The following ERBB4 variants were observed in gnomAD, a reference collection of about 807,000 sequenced individuals.
The protein encoded by ERBB4 is erb-b2 receptor tyrosine kinase 4.
Under a neutral mutation model 158.0 loss-of-function variants are expected in ERBB4, and 42 were observed. The observed-to-expected ratio is 0.27, with a 90% CI of 0.21 to 0.34. The LOEUF (loss-of-function observed/expected upper bound fraction) is 0.34, where lower values mean the gene tolerates loss of function less well. ERBB4 is among the 10% of genes least tolerant of loss of function. The pLI, the probability that ERBB4 is intolerant of heterozygous loss-of-function variation, is 1.00. For missense variants in ERBB4, 1,333 were observed against 1,624.1 expected (o/e 0.82, Z 3.08); for synonymous variants, 583 against 558.7 (o/e 1.04, Z -0.61).
chr2:211,674,947 G>A (rs1299663717), intron 13 of ERBB4, among the ~76,000 whole-genome samples: 1 of 152,106 alleles, frequency 6.6e-6, no homozygotes, highest in Non-Finnish European at 1.5e-5. Flanking sequence ...GGAATAAAAT[G>A]TATGTCATAA....
chr2:212,373,951 C>CCATATATATATCCATATATATCCAT (rs762810727), intron 1 of ERBB4, among the ~76,000 whole-genome samples: 1 of 35,180 alleles, frequency 2.8e-5, no homozygotes, highest in African/African-American at 2.1e-4. Flanking sequence ...ATATATATAT[C>CCATATATATATCCATATATATCCAT]ATATATATAT....
chr2:212,429,992 T>C (rs1232380742), intron 1 of ERBB4, among the ~76,000 whole-genome samples: 1 of 152,174 alleles, frequency 6.6e-6, no homozygotes, highest in Non-Finnish European at 1.5e-5. Context: ...ATATGCAGAA[T>C]TGCACCATTA....
At chr2:212,053,713 T>C (rs2077469964) in intron 2 of ERBB4, among the ~76,000 whole-genome samples, 1 of 152,190 alleles carries the variant, frequency 6.6e-6, no homozygotes, top group African/African-American at 2.4e-5. Flanking sequence ...TCTTTGTCTC[T>C]GTTAGCTCCG....
At chr2:211,904,845 G>C (rs905890741) in intron 3 of ERBB4, among the ~76,000 whole-genome samples, 3 of 151,934 alleles carry the variant, frequency 2.0e-5, no homozygotes, top group Admixed American at 1.3e-4. Flanking sequence ...TACTATTTTA[G>C]GTTAGACAGG....
intron 1 of ERBB4, among the ~76,000 whole-genome samples, chr2:212,485,592 G>A (rs1689929255): frequency 3.9e-5 from 6 of 152,144 alleles, no homozygotes. Context: ...TAATAACATG[G>A]TGCTGTTAAA....
intron 2 of ERBB4, among the ~76,000 whole-genome samples, chr2:212,034,031 G>A (rs1354535118): frequency 2.0e-5 from 3 of 151,832 alleles, no homozygotes; most frequent in Non-Finnish European, 4.4e-5. Flanking sequence ...ATTTAATGAA[G>A]TGTAGACCCA....
chr2:211,425,101 T>A (rs2063597795), intron 22 of ERBB4, among the ~76,000 whole-genome samples: 1 of 152,138 alleles, frequency 6.6e-6, no homozygotes, highest in African/African-American at 2.4e-5. Context: ...TGTAATGTAA[T>A]GATTATATAA....
chr2:211,637,349 C>T (rs955946927), intron 16 of ERBB4, among the ~76,000 whole-genome samples: 3 of 151,832 alleles, frequency 2.0e-5, no homozygotes, highest in South Asian at 2.1e-4. Flanking sequence ...AAAACAATAA[C>T]GTTTTCAATA....
intron 2 of ERBB4, among the ~76,000 whole-genome samples, chr2:211,992,687 T>A (rs901840941): frequency 2.0e-5 from 3 of 152,092 alleles, no homozygotes; most frequent in Non-Finnish European, 4.4e-5. Flanking sequence ...CTCTCCACTC[T>A]TCAGGTGAGA....
chr2:211,381,307 G>A lies in ERBB4; in HGVS notation c.*2308C>T. ...ACCACCATCTGCTTTTGGTTTAATG[G>A]TGAAGTTAGACTCTAGATAGGCTAA... is the stretch of plus-strand genomic sequence containing the variant. On this transcript the variant is annotated 3_prime_UTR_variant, in exon 28 of 28. Coordinates refer to ENST00000342788, the MANE Select transcript of ERBB4 (RefSeq NM_005235.3). The A allele has an allele frequency of 4.3e-6, 1 of 232,294 alleles. No homozygotes were observed. The highest frequency in any genetic ancestry group is 8.5e-6 in the Non-Finnish European group (1 of 117,510). The allele number at this position is 232,294 out of a possible 1,614,324, so 14.4% of individuals were successfully genotyped here.
intron 3 of ERBB4, among the ~76,000 whole-genome samples, chr2:211,885,895 T>C (rs1462355066): frequency 6.6e-6 from 1 of 152,176 alleles, no homozygotes; most frequent in East Asian, 1.9e-4. Flanking sequence ...AATATAACTC[T>C]CAGTATTTAG....
chr2:212,159,007 T>C (rs1319223766), intron 1 of ERBB4, among the ~76,000 whole-genome samples: 1 of 152,022 alleles, frequency 6.6e-6, no homozygotes, highest in African/African-American at 2.4e-5. Context: ...AGAGTCTACA[T>C]GATGAGTAAA....
chr2:212,504,868 A>G (rs979230250), intron 1 of ERBB4, among the ~76,000 whole-genome samples: 2 of 152,188 alleles, frequency 1.3e-5, no homozygotes, highest in African/African-American at 4.8e-5. Flanking sequence ...GATAGTATCA[A>G]TGAAGTTGGT....
At chr2:212,266,539 C>T (rs962831339) in intron 1 of ERBB4, among the ~76,000 whole-genome samples, 1 of 151,896 alleles carries the variant, frequency 6.6e-6, no homozygotes, top group African/African-American at 2.4e-5. Flanking sequence ...AACTACTCAT[C>T]TTTCACTACT....
At chr2:212,330,477 C>T (rs1197470617) in intron 1 of ERBB4, among the ~76,000 whole-genome samples, 2 of 151,758 alleles carry the variant, frequency 1.3e-5, no homozygotes, top group Non-Finnish European at 2.9e-5. Context: ...ACAAAGCAGG[C>T]ATGGTGGCGG....
chr2:212,531,887 T>C (rs1218515476), intron 1 of ERBB4, among the ~76,000 whole-genome samples: 2 of 152,172 alleles, frequency 1.3e-5, no homozygotes, highest in Non-Finnish European at 2.9e-5. Flanking sequence ...AAAAAGTTGC[T>C]TTATTTCTTT....
chr2:211,520,650 G>T (rs1240981446), intron 20 of ERBB4, among the ~76,000 whole-genome samples: 2 of 152,068 alleles, frequency 1.3e-5, no homozygotes, highest in African/African-American at 4.8e-5. Context: ...GTAATAAGAG[G>T]TACAGGCATA....
intron 2 of ERBB4, among the ~76,000 whole-genome samples, chr2:211,986,212 C>A (rs962084738): frequency 3.3e-5 from 5 of 152,152 alleles, no homozygotes; most frequent in Admixed American, 2.6e-4. Flanking sequence ...ACCAATCCTG[C>A]ATGACTCCTT....
chr2:212,284,918 T>C (rs2085903909), intron 1 of ERBB4, among the ~76,000 whole-genome samples: 1 of 152,110 alleles, frequency 6.6e-6, no homozygotes, highest in East Asian at 1.9e-4. Context: ...TAAGCTGAAC[T>C]TTCTGGAGAG....
Sources: gnomAD v4.1 joint callset for allele counts (sites outside exome capture counted in the v4.1 genomes callset) on GRCh38, gnomAD v4.1.1 for gene constraint, MANE v1.5 for transcripts, NCBI Gene and HGNC (gene_info 2026-07-23, HGNC 2026-07-21) for gene names.